Variants in TOP6BL observed in about 807,000 individuals in gnomAD.
TOP6BL encodes the protein type 2 DNA topoisomerase 6 subunit B-like.
the TOP6BL span, among the ~76,000 whole-genome samples, chr11:66,817,286 G>A: frequency 6.6e-6 from 1 of 152,116 alleles, no homozygotes; most frequent in Admixed American, 6.6e-5. Context: ...TTCTTATTCA[G>A]GTATGCAACA....
chr11:66,823,454 T>C, the TOP6BL span, among the ~76,000 whole-genome samples: 3 of 152,248 alleles, frequency 2.0e-5, no homozygotes, highest in Non-Finnish European at 4.4e-5. Flanking sequence ...AATAGTAGTA[T>C]GTATACCATT....
the TOP6BL span, among the ~76,000 whole-genome samples, chr11:66,792,920 C>T: frequency 2.0e-5 from 3 of 152,008 alleles, no homozygotes; most frequent in African/African-American, 7.2e-5. Flanking sequence ...GCTTTAAAGA[C>T]TATTGCTTTT....
chr11:66,829,433 G>A, the TOP6BL span, among the ~76,000 whole-genome samples: 3 of 152,032 alleles, frequency 2.0e-5, no homozygotes, highest in Admixed American at 6.6e-5. Flanking sequence ...AACATTAGCC[G>A]GTGTGGCGAC....
chr11:66,830,844 T>C, the TOP6BL span, among the ~76,000 whole-genome samples: 5 of 152,222 alleles, frequency 3.3e-5, no homozygotes, highest in Non-Finnish European at 7.3e-5. Flanking sequence ...GATAGCACTG[T>C]ATCTGTTTTT....
chr11:66,762,366 G>T, the TOP6BL span: 1 of 372,764 alleles, frequency 2.7e-6, no homozygotes. Flanking sequence ...CAGAAGCCCA[G>T]CATATGGGGC....
chr11:66,815,860 G>A, the TOP6BL span: 4 of 511,780 alleles, frequency 7.8e-6, no homozygotes, highest in South Asian at 1.5e-4. Flanking sequence ...CTATTTTAAT[G>A]TTCTTCCTGT....
the TOP6BL span, chr11:66,795,888 TC>T: frequency 6.4e-6 from 1 of 156,650 alleles, no homozygotes; most frequent in Non-Finnish European, 1.4e-5. Flanking sequence ...CCACTCAGAT[TC>T]TTTTTTTAAA....
the TOP6BL span, among the ~76,000 whole-genome samples, chr11:66,817,375 CAG>C: frequency 6.6e-6 from 1 of 152,024 alleles, no homozygotes; most frequent in Non-Finnish European, 1.5e-5. Context: ...AGAGATAAAA[CAG>C]TGGTTTCATT....
At chr11:66,762,361 G>T in the TOP6BL span, 2 of 373,178 alleles carry the variant, frequency 5.4e-6, no homozygotes, top group Non-Finnish European at 9.8e-6. Flanking sequence ...CGACGCAGAA[G>T]CCCAGCATAT....
chr11:66,822,840 C>G, the TOP6BL span, among the ~76,000 whole-genome samples: 377 of 151,858 alleles, frequency 2.5e-3, no homozygotes, highest in African/African-American at 8.5e-3. Flanking sequence ...CCTGTCTCTA[C>G]AAGTAATTAA....
the TOP6BL span, among the ~76,000 whole-genome samples, chr11:66,762,924 GC>G: frequency 6.6e-6 from 1 of 152,286 alleles, no homozygotes; most frequent in Admixed American, 6.5e-5. Flanking sequence ...ATGGAGACAG[GC>G]CAGCTGAAGT....
chr11:66,756,335 C>A, the TOP6BL span: 1 of 1,201,926 alleles, frequency 8.3e-7, no homozygotes, highest in Non-Finnish European at 1.1e-6. Flanking sequence ...CCCTTTTCCC[C>A]CCTTTTTTTT....
chr11:66,828,546 T>C, the TOP6BL span: 13 of 563,970 alleles, frequency 2.3e-5, no homozygotes, highest in Non-Finnish European at 4.1e-5. Context: ...ATCCCACTGG[T>C]TGCCTGGTGT....
At chr11:66,791,678 T>C in the TOP6BL span, among the ~76,000 whole-genome samples, 1 of 152,156 alleles carries the variant, frequency 6.6e-6, no homozygotes, top group Non-Finnish European at 1.5e-5. Context: ...TGTGCACGGC[T>C]GGCAGCATCT....
At chr11:66,790,987 A>T in the TOP6BL span, among the ~76,000 whole-genome samples, 2 of 152,216 alleles carry the variant, frequency 1.3e-5, no homozygotes, top group Admixed American at 1.3e-4. Context: ...GGATTTCCTC[A>T]TGCATTTCTT....
the TOP6BL span, among the ~76,000 whole-genome samples, chr11:66,788,768 C>G: frequency 6.6e-6 from 1 of 152,142 alleles, no homozygotes; most frequent in Non-Finnish European, 1.5e-5. Flanking sequence ...GAGATGTGGT[C>G]TTGCTATGTC....
chr11:66,794,359 T>C, the TOP6BL span, among the ~76,000 whole-genome samples: 1 of 152,138 alleles, frequency 6.6e-6, no homozygotes, highest in Non-Finnish European at 1.5e-5. Flanking sequence ...GGAGACTGTT[T>C]CTAACTTTGG....
the TOP6BL span, among the ~76,000 whole-genome samples, chr11:66,792,628 C>T: frequency 6.6e-6 from 1 of 152,154 alleles, no homozygotes; most frequent in Non-Finnish European, 1.5e-5. Flanking sequence ...TGTGTATGAC[C>T]TTGGACAAAT....
chr11:66,776,976 C>T, the TOP6BL span, among the ~76,000 whole-genome samples: 1 of 151,686 alleles, frequency 6.6e-6, no homozygotes, highest in African/African-American at 2.4e-5. Context: ...TAGTTTGGCC[C>T]CAAGAGGTGG....
Sources: allele counts gnomAD v4.1 joint callset (sites outside exome capture counted in the v4.1 genomes callset), GRCh38; gene constraint gnomAD v4.1.1; transcripts MANE v1.5; gene names NCBI Gene and HGNC (gene_info 2026-07-23, HGNC 2026-07-21).